Variants in TMC1 observed in about 807,000 individuals in gnomAD.
TMC1 encodes transmembrane channel-like protein 1.
TMC1 carries 84 observed loss-of-function variants against 105.8 expected under a neutral mutation model. The observed-to-expected ratio is 0.79, with a 90% CI of 0.67 to 0.95. TMC1 has a LOEUF of 0.95. Among genes scored for constraint, TMC1 ranks in the 40% least tolerant of loss-of-function variants. The pLI is 0.00. For synonymous variants in TMC1, 315 were observed against 311.5 expected (o/e 1.01, Z -0.12); for missense variants, 817 against 914.1 (o/e 0.89, Z 1.37).
At chr9:72,812,486 A>G (rs887014977) in intron 18 of TMC1, among the ~76,000 whole-genome samples, 1 of 152,236 alleles carries the variant, frequency 6.6e-6, no homozygotes, top group South Asian at 2.1e-4. Flanking sequence ...CAAGTGCTCA[A>G]TCATCCTAGC....
intron 5 of TMC1, among the ~76,000 whole-genome samples, chr9:72,649,583 C>T (rs1181239914): frequency 6.6e-6 from 1 of 152,128 alleles, no homozygotes; most frequent in Non-Finnish European, 1.5e-5. Flanking sequence ...TAACTTTAAA[C>T]ACCTGGAGAA....
intron 8 of TMC1, among the ~76,000 whole-genome samples, chr9:72,719,571 T>C (rs905484547): frequency 6.6e-6 from 1 of 152,234 alleles, no homozygotes; most frequent in Admixed American, 6.5e-5. Flanking sequence ...AGGAGCAACC[T>C]GTTTCCTTCA....
chr9:72,700,444 A>T (rs577743255), intron 7 of TMC1, 74 bp from the exon 8 acceptor site: 118 of 1,297,180 alleles, frequency 9.1e-5, no homozygotes, highest in Non-Finnish European at 1.2e-4. Context: ...TAAATATCTG[A>T]TACCTGCCTT....
In TMC1 at chr9:72,694,560, G is replaced by C. The variant is rs1826517957; in HGVS notation, c.82G>C (p.Val28Leu). Residue 28 changes from valine to leucine, a missense_variant, in exon 7 of 24, where the codon GTG (valine) becomes CTG (leucine). Physicochemically the swap from Val to Leu is conservative, Grantham distance 32. Coordinates refer to ENST00000297784, the MANE Select transcript of TMC1 (RefSeq NM_138691.3). ...EESSSEEEEE[V>L]EDKLPRRESL... ...ATGTTTAGGTGAAGAGGAAGAGGAG[G>C]TGGAAGATAAGCTACCTCGAAGAGA... 1.9e-6 allele frequency: 3 copies of C among 1,612,694 alleles called. No homozygotes were observed. The highest frequency in any genetic ancestry group is 2.5e-6 in the Non-Finnish European group (3 of 1,179,198).
chr9:72,549,433 A>C (rs569636135), intron 1 of TMC1, among the ~76,000 whole-genome samples: 1 of 151,412 alleles, frequency 6.6e-6, no homozygotes, highest in African/African-American at 2.4e-5. Context: ...AGCCATATTA[A>C]ATTTTATGTG....
intron 18 of TMC1, among the ~76,000 whole-genome samples, chr9:72,813,309 A>G (rs1276218524): frequency 6.6e-6 from 1 of 152,218 alleles, no homozygotes; most frequent in Admixed American, 6.5e-5. Flanking sequence ...CCTCTAAAAC[A>G]ATGAGCACTG....
chr9:72,752,641 G>C (rs1827599668), intron 11 of TMC1, among the ~76,000 whole-genome samples: 1 of 152,176 alleles, frequency 6.6e-6, no homozygotes, highest in African/African-American at 2.4e-5. Context: ...CTCATATGAA[G>C]TTAAATGATT....
intron 1 of TMC1, among the ~76,000 whole-genome samples, chr9:72,539,484 A>G (rs779179456): frequency 3.3e-5 from 5 of 150,370 alleles, no homozygotes. Context: ...CCACAAATCC[A>G]TAGGGCATGG....
intron 8 of TMC1, among the ~76,000 whole-genome samples, chr9:72,728,677 C>T (rs558260614): frequency 1.3e-4 from 20 of 152,212 alleles, no homozygotes; most frequent in Middle Eastern, 3.4e-3. Context: ...TGGTTTCCTT[C>T]TGTGAGGAAA....
chr9:72,779,427 A>T (rs1828056955), intron 13 of TMC1, among the ~76,000 whole-genome samples: 3 of 152,266 alleles, frequency 2.0e-5, no homozygotes, highest in Admixed American at 2.0e-4. Flanking sequence ...GATGGCTGAA[A>T]TGACAGACAT....
Position 72,694,684 on chromosome 9 carries a change from AAGAG to A in TMC1, c.209_212del (p.Glu70GlyfsTer5). ...GAAGAAACAAGGAAGGCAAGAGAAA[AAGAG>A]AGGAGGAGGAGGCTAAAGAGAGGAG... On this transcript the variant is annotated frameshift_variant, in exon 7 of 24. Coordinates refer to ENST00000297784, the MANE Select transcript of TMC1 (RefSeq NM_138691.3). LOFTEE classifies it high-confidence loss of function. The A allele has an allele frequency of 6.2e-7, 1 of 1,611,714 alleles. No individual in the cohort carries two copies. The highest frequency in any genetic ancestry group is 8.5e-7 in the Non-Finnish European group (1 of 1,178,768).
At chr9:72,807,712 T>C (rs1203548235) in intron 18 of TMC1, among the ~76,000 whole-genome samples, 1 of 152,172 alleles carries the variant, frequency 6.6e-6, no homozygotes, top group Non-Finnish European at 1.5e-5. Flanking sequence ...ATTTGATAAA[T>C]ATGGTACTTG....
chr9:72,618,779 AT>A (rs1825189893), intron 3 of TMC1, among the ~76,000 whole-genome samples: 2 of 152,196 alleles, frequency 1.3e-5, no homozygotes, highest in African/African-American at 2.4e-5. Flanking sequence ...TGTTAATGCC[AT>A]TAGGGACCAA....
chr9:72,766,545 A>G (rs1280976364), intron 12 of TMC1, among the ~76,000 whole-genome samples: 2 of 152,178 alleles, frequency 1.3e-5, no homozygotes, highest in Non-Finnish European at 2.9e-5. Flanking sequence ...GAAGGAAGGA[A>G]CTTGTAGCCA....
chr9:72,760,487 C>T (rs766817457), intron 12 of TMC1, among the ~76,000 whole-genome samples: 10 of 152,018 alleles, frequency 6.6e-5, no homozygotes, highest in Non-Finnish European at 8.8e-5. Flanking sequence ...AAGCTAGAGC[C>T]GTTATCTAGG....
chr9:72,586,423 C>T (rs1220067481), intron 2 of TMC1, among the ~76,000 whole-genome samples: 1 of 152,200 alleles, frequency 6.6e-6, no homozygotes, highest in Non-Finnish European at 1.5e-5. Flanking sequence ...TTTTCTAGTT[C>T]TGTCCTGTGT....
intron 2 of TMC1, among the ~76,000 whole-genome samples, chr9:72,601,641 T>C (rs949979305): frequency 2.6e-5 from 4 of 152,050 alleles, no homozygotes; most frequent in Non-Finnish European, 4.4e-5. Context: ...TGAGACCCTG[T>C]CTCGAACAAA....
In TMC1 at chr9:72,754,817, C is replaced by T. The variant is rs370088722; in HGVS notation, c.674C>T (p.Pro225Leu). The change falls in exon 12 of 24, where the codon CCT becomes CTT. Residue 225 changes from proline to leucine, a missense_variant. Pro to Leu is a moderately conservative substitution (Grantham distance 98). Transcript: ENST00000297784. Reference sequence around the variant, plus strand: ...TGGGGTTTGCCATATGGCAGTTTACCTAGGAAAACCGTTCCCAGAGCCGAA... The same window carrying T: ...TGGGGTTTGCCATATGGCAGTTTACTTAGGAAAACCGTTCCCAGAGCCGAA... ...YLWGLPYGSLPRKTVPRAEEA... is the reference protein window; with the variant it reads ...YLWGLPYGSLLRKTVPRAEEA... 34 of 1,613,940 alleles carry T rather than the reference C, an allele frequency of 2.1e-5. No homozygotes were observed. The highest frequency in any genetic ancestry group is 2.5e-5 in the Non-Finnish European group (30 of 1,179,948).
chr9:72,705,506 G>A (rs1051912679), intron 8 of TMC1, among the ~76,000 whole-genome samples: 2 of 152,194 alleles, frequency 1.3e-5, no homozygotes, highest in African/African-American at 2.4e-5. Flanking sequence ...GGCAGAGGTC[G>A]CAGGGAGAGC....
Sources: gnomAD v4.1 joint callset for allele counts (sites outside exome capture counted in the v4.1 genomes callset) on GRCh38, gnomAD v4.1.1 for gene constraint, MANE v1.5 for transcripts, NCBI Gene and HGNC (gene_info 2026-07-23, HGNC 2026-07-21) for gene names.